Variants in TANK observed in about 807,000 individuals in gnomAD.
TANK encodes TRAF family member-associated NF-kappa-B activator.
Under a neutral mutation model 43.6 loss-of-function variants are expected in TANK, and 15 were observed. That is an observed-to-expected ratio of 0.34 (90% confidence interval 0.23 to 0.53). The LOEUF (loss-of-function observed/expected upper bound fraction) is 0.53, where lower values mean the gene tolerates loss of function less well. TANK is among the 20% of genes least tolerant of loss of function. The probability of loss-of-function intolerance (pLI) is 0.94; values close to 1 mark genes in which losing one functional copy is unlikely to be tolerated. For synonymous variants in TANK, 162 were observed against 178.2 expected, an observed-to-expected ratio of 0.91 and a Z score of 0.73; for missense variants, 417 against 498.6, an observed-to-expected ratio of 0.84 and a Z score of 1.56.
intron 4 of TANK, chr2:161,223,358 G>A (rs1431722772): frequency 6.6e-6 from 1 of 152,038 alleles, no homozygotes; most frequent in African/African-American, 2.4e-5. Context: ...AAGAACTTGT[G>A]TTGAAGCAGC....
At chr2:161,190,126 A>G (rs1685846376) in intron 2 of TANK, among the ~76,000 whole-genome samples, 1 of 152,224 alleles carries the variant, frequency 6.6e-6, no homozygotes, top group African/African-American at 2.4e-5. Context: ...CTACAGCTCA[A>G]CAACAACAAA....
At chr2:161,215,405 C>T (rs1687074448) in intron 4 of TANK, among the ~76,000 whole-genome samples, 1 of 152,114 alleles carries the variant, frequency 6.6e-6, no homozygotes. Flanking sequence ...TGTCTTATAT[C>T]TTCATACTTT....
chr2:161,167,973 A>G (rs1041303871), intron 1 of TANK, among the ~76,000 whole-genome samples: 4 of 152,088 alleles, frequency 2.6e-5, no homozygotes, highest in Non-Finnish European at 5.9e-5. Context: ...GCTGATACTA[A>G]GTTATTTGAT....
At position 161,211,808 on chromosome 2, in the gene TANK, CGT is replaced by C. The variant is rs1236672401; in HGVS notation, c.327+7018_327+7019del. On this transcript the variant is annotated intron_variant, in intron 4 of 7. Coordinates refer to ENST00000392749, the MANE Select transcript of TANK (RefSeq NM_001199135.3). ...TGGGGCTTAGAGAACTGGAGAAAAA[CGT>C]GTTTGTGTGTAGTACCTCAGGTACT... is the stretch of plus-strand genomic sequence containing the variant. 2.2e-5 allele frequency: 22 copies of C among 985,288 alleles called. No individual in the cohort carries two copies. In the African/African-American group the frequency reaches 3.3e-4, roughly 15 times the overall value. 61.0% of individuals were successfully genotyped at this position (985,288 alleles called of 1,614,324 possible). A position where few individuals can be genotyped will look rare whatever the true frequency, so the allele number is the denominator to read the frequency against.
chr2:161,193,572 T>A (rs1218331901), intron 2 of TANK, among the ~76,000 whole-genome samples: 1 of 152,128 alleles, frequency 6.6e-6, no homozygotes, highest in East Asian at 1.9e-4. Context: ...AATAAATAAA[T>A]AGATAAATAA....
chr2:161,152,514 T>C (rs1684107654), intron 1 of TANK, among the ~76,000 whole-genome samples: 3 of 152,186 alleles, frequency 2.0e-5, no homozygotes, highest in South Asian at 2.1e-4. Flanking sequence ...GTTAATCTTA[T>C]TGATGATCCC....
intron 2 of TANK, among the ~76,000 whole-genome samples, chr2:161,194,539 G>A (rs375905523): frequency 2.6e-5 from 4 of 152,188 alleles, no homozygotes; most frequent in East Asian, 3.9e-4. Context: ...CCTAAAATAA[G>A]AGTAAATTTG....
At chr2:161,170,101 G>A (rs1310930581) in intron 1 of TANK, among the ~76,000 whole-genome samples, 1 of 152,100 alleles carries the variant, frequency 6.6e-6, no homozygotes, top group African/African-American at 2.4e-5. Context: ...ATGTCTTTGA[G>A]ATCTATCTTG....
intron 1 of TANK, among the ~76,000 whole-genome samples, chr2:161,152,146 T>A (rs1684098076): frequency 1.3e-5 from 2 of 152,266 alleles, no homozygotes; most frequent in East Asian, 3.9e-4. Context: ...TTTTAAGGAT[T>A]TGTCTTTTAA....
chr2:161,148,102 T>A (rs1440082601), intron 1 of TANK, among the ~76,000 whole-genome samples: 1 of 152,206 alleles, frequency 6.6e-6, no homozygotes, highest in Non-Finnish European at 1.5e-5. Context: ...ACTGGCAAAT[T>A]ATTTTCCACA....
intron 7 of TANK, chr2:161,232,785 T>C: frequency 6.4e-7 from 1 of 1,550,616 alleles, no homozygotes; most frequent in Non-Finnish European, 8.7e-7. Flanking sequence ...ATTTGCTTTC[T>C]ATACTACAGC....
chr2:161,137,162 G>A (rs1340734448), intron 1 of TANK: 2 of 985,244 alleles, frequency 2.0e-6, no homozygotes, highest in African/African-American at 1.7e-5. Flanking sequence ...TCTTACTCTT[G>A]CTATGTGAGT....
chr2:161,200,338 C>T (rs533981650), intron 2 of TANK: 2 of 984,460 alleles, frequency 2.0e-6, no homozygotes, highest in South Asian at 9.4e-5. Flanking sequence ...CAACAATAAT[C>T]TGACCTTGTA....
At chr2:161,160,713 C>T in intron 1 of TANK, 1 of 500,140 alleles carries the variant, frequency 2.0e-6, no homozygotes, top group Non-Finnish European at 3.9e-6. Flanking sequence ...GTTTCCGGGC[C>T]CGCGATGTCA....
chr2:161,186,621 A>G (rs1574003752), intron 2 of TANK, among the ~76,000 whole-genome samples: 1 of 152,348 alleles, frequency 6.6e-6, no homozygotes, highest in East Asian at 1.9e-4. Flanking sequence ...GCTTTAGGAC[A>G]TCTGTCTGGG....
chr2:161,216,945 G>A (rs1377745068), intron 4 of TANK, among the ~76,000 whole-genome samples: 1 of 152,180 alleles, frequency 6.6e-6, no homozygotes, highest in Non-Finnish European at 1.5e-5. Context: ...AGAGGAGAAA[G>A]TGCTTCCTAT....
At chr2:161,169,135 G>A (rs191955395) in intron 1 of TANK, among the ~76,000 whole-genome samples, 4 of 152,266 alleles carry the variant, frequency 2.6e-5, no homozygotes, top group Non-Finnish European at 5.9e-5. Flanking sequence ...TGGACAAAGG[G>A]TATCCCCAAA....
chr2:161,162,015 T>G (rs1276713116), intron 1 of TANK: 1 of 152,212 alleles, frequency 6.6e-6, no homozygotes, highest in African/African-American at 2.4e-5. Flanking sequence ...GATTTTTGTA[T>G]GCTAAGATAA....
At chr2:161,150,900 T>C (rs1313528769) in intron 1 of TANK, among the ~76,000 whole-genome samples, 1 of 152,194 alleles carries the variant, frequency 6.6e-6, no homozygotes, top group Non-Finnish European at 1.5e-5. Flanking sequence ...TCTCACATCT[T>C]TTTTAATATG....
Sources: gnomAD v4.1 joint callset for allele counts (sites outside exome capture counted in the v4.1 genomes callset) on GRCh38, gnomAD v4.1.1 for gene constraint, MANE v1.5 for transcripts, NCBI Gene and HGNC (gene_info 2026-07-23, HGNC 2026-07-21) for gene names.